The following SLC13A5 variants were observed in gnomAD, a reference collection of about 807,000 sequenced individuals.
SLC13A5 encodes the protein Na(+)/citrate cotransporter.
A neutral mutation model predicts 56.5 loss-of-function variants in SLC13A5; 25 were observed. The observed-to-expected ratio is 0.44, with a 90% CI of 0.32 to 0.62. The LOEUF (loss-of-function observed/expected upper bound fraction) is 0.62, where lower values mean the gene tolerates loss of function less well. Among genes scored for constraint, SLC13A5 ranks in the 20% least tolerant of loss-of-function variants. The pLI, the probability that SLC13A5 is intolerant of heterozygous loss-of-function variation, is 0.04. For synonymous variants in SLC13A5, 307 were observed against 301.5 expected (o/e 1.02, Z -0.19); for missense variants, 649 against 737.8 (o/e 0.88, Z 1.39).
rs547998800 is a variant in SLC13A5 at position 6,703,032 on chromosome 17, G to A, written c.654C>T (p.Ile218=). The stretch of plus-strand genomic sequence containing the variant: ...TCCCGGTCAGGGTGGCGGTGCCCCC[G>A]ATGCTGGCCGCGTAGCAGATGCACA... ...MTLCICYAAS[I]GGTATLTGTG... Residue 218 remains isoleucine, a synonymous_variant, in exon 5 of 12, where the codon ATC becomes ATT. Coordinates refer to ENST00000433363, the MANE Select transcript of SLC13A5 (RefSeq NM_177550.5). The A allele has an allele frequency of 1.8e-5, 29 of 1,614,094 alleles. No homozygotes were observed. The highest frequency in any genetic ancestry group is 6.7e-5 in the African/African-American group (5 of 74,950).
intron 10 of SLC13A5, chr17:6,690,054 G>T (rs546726109): frequency 1.3e-4 from 5 of 37,714 alleles, no homozygotes; most frequent in African/African-American, 4.2e-4. Context: ...GATGACAGAA[G>T]GAAATGCAAA....
intron 6 of SLC13A5, among the ~76,000 whole-genome samples, chr17:6,697,239 C>T (rs1283430431): frequency 1.3e-5 from 2 of 152,110 alleles, no homozygotes; most frequent in Non-Finnish European, 2.9e-5. Flanking sequence ...TCCTAGAGAC[C>T]CTGGGGCTCA....
intron 5 of SLC13A5, 38 bp downstream of exon 5, chr17:6,702,932 C>A: frequency 6.2e-7 from 1 of 1,604,660 alleles, no homozygotes; most frequent in Non-Finnish European, 8.5e-7. Flanking sequence ...CCCCGGTACC[C>A]ACTTCGTTGT....
chr17:6,703,110 A>G lies in SLC13A5; in HGVS notation c.576T>C (p.Thr192=), dbSNP rs1274573548. The G allele has an allele frequency of 2.5e-6, 4 of 1,613,988 alleles. No individual in the cohort carries two copies. The African/African-American group carries it at 5.3e-5, about 22-fold the overall frequency. ...PGSQVIFEGP[T]LGQQEDQERK... ...GCTCTTGGTCTTCCTGCTGCCCCAG[A>G]GTGGGGCCTTCAAAAATCACTTGAC... The change falls in exon 5 of 12, where the codon ACT becomes ACC. Residue 192 remains threonine, a synonymous_variant. Transcript: ENST00000433363.
chr17:6,713,368 A>C lies in SLC13A5; in HGVS notation c.-35T>G. The C allele has an allele frequency of 6.3e-7, 1 of 1,594,398 alleles. No individual in the cohort carries two copies. The highest frequency in any genetic ancestry group is 1.1e-5 in the South Asian group (1 of 90,494). Reference sequence around the variant, plus strand: ...GGGAGACTGGCGGGCGAGACGAGTGAGGGGCAGCTAGAGGCGCCGCGGGCT... The same window carrying C: ...GGGAGACTGGCGGGCGAGACGAGTGCGGGGCAGCTAGAGGCGCCGCGGGCT... On this transcript the variant is annotated 5_prime_UTR_variant, in exon 1 of 12. Coordinates refer to ENST00000433363, the MANE Select transcript of SLC13A5 (RefSeq NM_177550.5). This position sits in a 1 kb window ranked among gnomAD's most constrained non-coding sequence, Gnocchi z 7.3.
chr17:6,713,240 G>A lies in SLC13A5; in HGVS notation c.94C>T (p.Pro32Ser), dbSNP rs1974087083. Reference protein sequence around the residue: ...LLLLPLVILMPAKFVRCAYVI... With the variant: ...LLLLPLVILMSAKFVRCAYVI... ...CTGGAGATGCAACTGACCTTGGCGG[G>A]CATCAGAATGACGAGTGGCAGCAGC... Residue 32 changes from proline (P) to serine (S), a missense_variant, in exon 1 of 12, where the codon CCC becomes TCC. Physicochemically the swap from Pro to Ser is moderately conservative, Grantham distance 74 (BLOSUM62 -1). Transcript: ENST00000433363. The surrounding 1 kb of genome is among the most constrained non-coding windows in gnomAD (Gnocchi z 7.3). 1 of 1,613,816 alleles carries A rather than the reference G, an allele frequency of 6.2e-7. No individual in the cohort carries two copies. The highest frequency in any genetic ancestry group is 1.1e-5 in the South Asian group (1 of 91,068).
rs139005493 is a variant in SLC13A5, at chr17:6,690,867, A to G, written c.1349T>C (p.Leu450Ser). Residue 450 changes from leucine to serine, a missense_variant, in exon 10 of 12, where the codon TTG becomes TCG. Transcript: ENST00000433363. ...CACGGCAACGAGCAAGGACAAGATCAAGGTGATGGCTGCCGGGGGCACTGC... is the reference window on the plus strand; with the variant it reads ...CACGGCAACGAGCAAGGACAAGATCGAGGTGATGGCTGCCGGGGGCACTGC... ...LHAVPPAAIT[L>S]ILSLLVAVFT... 9.3e-6 allele frequency: 15 copies of G among 1,613,980 alleles called. No homozygotes were observed. Among genetic ancestry groups the G allele is most frequent in the African/African-American group, 1.3e-5 (1 of 75,060 alleles).
In SLC13A5 at chr17:6,713,181, G is replaced by C. The variant is rs201114617; in HGVS notation, c.102+51C>G. The C allele has an allele frequency of 2.1e-5, 32 of 1,560,922 alleles. No homozygotes were observed. The highest frequency in any genetic ancestry group is 2.6e-5 in the Non-Finnish European group (30 of 1,136,500). ...GGGCTCCCGGGATCGGTGCCCGTTA[G>C]TGGGCACAGGACGCCGGGTGTCCGA... is the stretch of plus-strand genomic sequence containing the variant. On this transcript the variant is annotated intron_variant, in intron 1 of 11. Transcript: ENST00000433363. This position sits in a 1 kb window ranked among gnomAD's most constrained non-coding sequence, Gnocchi z 7.3.
intron 1 of SLC13A5, 70 bp from the exon 2 acceptor site, chr17:6,707,226 G>C: frequency 6.3e-7 from 1 of 1,580,466 alleles, no homozygotes; most frequent in Non-Finnish European, 8.6e-7. Context: ...CACTCCGGAC[G>C]GCGGCTGGCA....
chr17:6,686,714 T>C, intron 11 of SLC13A5: 1 of 216,320 alleles, frequency 4.6e-6, no homozygotes. Flanking sequence ...CCAGCTTCCC[T>C]GTGGACCTCC....
At position 6,711,199 on chromosome 17, in the gene SLC13A5, G is replaced by C. The variant is rs1974012142; in HGVS notation, c.102+2033C>G. Among the ~76,000 whole-genome samples the C allele has an allele frequency of 6.6e-6, 1 of 152,086 alleles. No homozygotes were observed. Among genetic ancestry groups the C allele is most frequent in the Non-Finnish European group, 1.5e-5 (1 of 68,010 alleles). ...TTCCCAGCTGCCCTGCCCGTGCTGTGTACCCTCTGGGTTTCCTTGCACAAT... is the reference window on the plus strand; with the variant it reads ...TTCCCAGCTGCCCTGCCCGTGCTGTCTACCCTCTGGGTTTCCTTGCACAAT... On this transcript the variant is annotated intron_variant, in intron 1 of 11. Coordinates refer to ENST00000433363, the MANE Select transcript of SLC13A5 (RefSeq NM_177550.5). This position sits in a 1 kb window ranked among gnomAD's most constrained non-coding sequence, Gnocchi z 4.0.
intron 6 of SLC13A5, among the ~76,000 whole-genome samples, chr17:6,700,474 C>T (rs1208525205): frequency 6.6e-6 from 1 of 152,238 alleles, no homozygotes; most frequent in Non-Finnish European, 1.5e-5. Context: ...CACAGGTTTG[C>T]GGTGACCTGG....
chr17:6,698,784 C>T (rs184294), intron 6 of SLC13A5, among the ~76,000 whole-genome samples: 65,636 of 151,974 alleles, frequency 0.43, 14,373 homozygotes, highest in Admixed American at 0.51. Flanking sequence ...ACATCTGTAA[C>T]GCCAGCACTT....
At chr17:6,704,827 G>A (rs1324412890) in intron 3 of SLC13A5, 1 of 155,758 alleles carries the variant, frequency 6.4e-6, no homozygotes, top group Non-Finnish European at 1.4e-5. Flanking sequence ...GCACCAGGTG[G>A]GGCTGGCCTG....
At chr17:6,698,705 G>C (rs1488053016) in intron 6 of SLC13A5, among the ~76,000 whole-genome samples, 1 of 152,170 alleles carries the variant, frequency 6.6e-6, no homozygotes, top group Admixed American at 6.5e-5. Context: ...AATAATAATA[G>C]TGCTGACCTC....
intron 8 of SLC13A5, chr17:6,693,431 A>G: frequency 3.3e-6 from 1 of 304,072 alleles, no homozygotes; most frequent in Non-Finnish European, 6.0e-6. Context: ...CAATTTGGCC[A>G]TACATTTTAA....
intron 3 of SLC13A5, among the ~76,000 whole-genome samples, chr17:6,705,717 A>G (rs1340143313): frequency 6.6e-6 from 1 of 152,142 alleles, no homozygotes; most frequent in East Asian, 1.9e-4. Flanking sequence ...ACAGCCCCTG[A>G]CACAGGGGCG....
At position 6,709,674 on chromosome 17, in the gene SLC13A5, AC is replaced by A. The variant is rs373551719; in HGVS notation, c.103-2519del. ...CTGTACACAATCCCTGCTTCTCATC[AC>A]CCAGAAGAGCGTATGTATTATTTGC... is the stretch of plus-strand genomic sequence containing the variant. On this transcript the variant is annotated intron_variant, in intron 1 of 11. Coordinates refer to ENST00000433363, the MANE Select transcript of SLC13A5 (RefSeq NM_177550.5). Among the ~76,000 whole-genome samples the A allele has an allele frequency of 3.7e-3, 559 of 152,272 alleles. 2 individuals carry two copies. Among genetic ancestry groups the A allele is most frequent in the African/African-American group, 7.1e-3 (297 of 41,556 alleles).
Position 6,713,128 on chromosome 17 carries a change from C to G in SLC13A5, c.102+104G>C, listed in dbSNP as rs868054349. 2 of 1,172,430 alleles carry G rather than the reference C, an allele frequency of 1.7e-6. No individual in the cohort carries two copies. The highest frequency in any genetic ancestry group is 2.7e-5 in the South Asian group (2 of 74,672). 72.6% of individuals were successfully genotyped at this position (1,172,430 alleles called of 1,614,324 possible). The stretch of plus-strand genomic sequence containing the variant: ...GCGCGCGCCCCGGGAGAGCTGTGCT[C>G]CCCGCGAAATCCGTGCGCTCCAGCT... On this transcript the variant is annotated intron_variant, in intron 1 of 11. Coordinates refer to ENST00000433363, the MANE Select transcript of SLC13A5 (RefSeq NM_177550.5). This position sits in a 1 kb window ranked among gnomAD's most constrained non-coding sequence, Gnocchi z 7.3.
Sources: gnomAD v4.1 joint callset for allele counts (sites outside exome capture counted in the v4.1 genomes callset) on GRCh38, gnomAD v4.1.1 for gene constraint, Gnocchi (gnomAD v3.1) non-coding constraint, MANE v1.5 for transcripts, NCBI Gene and HGNC (gene_info 2026-07-23, HGNC 2026-07-21) for gene names.